The following LRP1B variants were observed in gnomAD, a reference collection of about 807,000 sequenced individuals.
The protein encoded by LRP1B is LDL receptor related protein 1B.
A neutral mutation model predicts 556.6 loss-of-function variants in LRP1B; 217 were observed. The ratio of observed to expected loss-of-function variants is 0.39; its 90% confidence interval spans 0.35 to 0.44. The LOEUF is 0.44. Ranked by LOEUF, LRP1B falls within the 20% of genes least tolerant of loss-of-function variation. The probability of loss-of-function intolerance (pLI) is 1.00; values close to 1 mark genes in which losing one functional copy is unlikely to be tolerated. For missense variants in LRP1B, 5,053 were observed against 5,620.8 expected (o/e 0.90, Z 3.23); for synonymous variants, 2,047 against 1,865.8 (o/e 1.10, Z -2.50).
At chr2:141,386,200 C>G (rs1689829188) in intron 3 of LRP1B, among the ~76,000 whole-genome samples, 1 of 152,028 alleles carries the variant, frequency 6.6e-6, no homozygotes, top group Admixed American at 6.5e-5. Context: ...GACTTGGGTC[C>G]CATCTCCAAG....
intron 66 of LRP1B, among the ~76,000 whole-genome samples, chr2:140,393,518 G>A (rs1684117092): frequency 6.6e-6 from 1 of 151,716 alleles, no homozygotes; most frequent in South Asian, 2.1e-4. Context: ...CTGTAATTTG[G>A]GGATTAAGAG....
intron 3 of LRP1B, among the ~76,000 whole-genome samples, chr2:141,297,468 T>A (rs1478676181): frequency 6.6e-6 from 1 of 152,140 alleles, no homozygotes; most frequent in Non-Finnish European, 1.5e-5. Context: ...TGGGACAATT[T>A]TTTTTAAGTA....
intron 2 of LRP1B, among the ~76,000 whole-genome samples, chr2:141,728,305 T>A (rs1222445494): frequency 6.6e-6 from 1 of 151,930 alleles, no homozygotes; most frequent in East Asian, 1.9e-4. Flanking sequence ...CCTGGCCCTC[T>A]TTCTTTGTTG....
chr2:141,489,275 A>T (rs540967957), intron 2 of LRP1B, among the ~76,000 whole-genome samples: 18 of 151,632 alleles, frequency 1.2e-4, no homozygotes, highest in Admixed American at 2.6e-4. Flanking sequence ...GGCATGAGCC[A>T]CTACACCTTG....
intron 34 of LRP1B, 75 bp from the exon 35 acceptor site, chr2:140,769,419 G>T: frequency 1.4e-6 from 2 of 1,383,192 alleles, no homozygotes; most frequent in Non-Finnish European, 1.9e-6. Flanking sequence ...AATTTCATTT[G>T]TATTATTTTT....
intron 3 of LRP1B, among the ~76,000 whole-genome samples, chr2:141,266,181 G>A (rs1263494401): frequency 3.3e-5 from 5 of 151,992 alleles, no homozygotes; most frequent in Admixed American, 3.3e-4. Flanking sequence ...ACAATTTGCC[G>A]GGGGTGATGG....
At chr2:141,625,713 C>A (rs972682816) in intron 2 of LRP1B, among the ~76,000 whole-genome samples, 3 of 152,038 alleles carry the variant, frequency 2.0e-5, no homozygotes, top group Non-Finnish European at 4.4e-5. Context: ...CTTGTAGTTA[C>A]TTTTTATAGA....
chr2:140,388,046 C>T (rs1271486080), intron 66 of LRP1B, among the ~76,000 whole-genome samples: 1 of 151,542 alleles, frequency 6.6e-6, no homozygotes, highest in Non-Finnish European at 1.5e-5. Flanking sequence ...AAGTGATTCT[C>T]CTGCCTCAGC....
At chr2:140,435,868 C>T (rs1686155209) in intron 66 of LRP1B, among the ~76,000 whole-genome samples, 1 of 152,080 alleles carries the variant, frequency 6.6e-6, no homozygotes, top group Non-Finnish European at 1.5e-5. Context: ...TGGTCCCATT[C>T]ATACAGATAG....
intron 20 of LRP1B, among the ~76,000 whole-genome samples, chr2:140,946,592 C>T (rs1695555193): frequency 6.6e-6 from 1 of 152,008 alleles, no homozygotes; most frequent in Non-Finnish European, 1.5e-5. Context: ...CAGAGTGATA[C>T]TCAGTCTCAA....
At chr2:141,577,814 C>G (rs1214864746) in intron 2 of LRP1B, among the ~76,000 whole-genome samples, 1 of 152,134 alleles carries the variant, frequency 6.6e-6, no homozygotes, top group African/African-American at 2.4e-5. Flanking sequence ...TGGCAGGACA[C>G]AAGTTGTTTC....
intron 2 of LRP1B, among the ~76,000 whole-genome samples, chr2:141,778,908 G>GTAAATTTACTTAGTAAAT (rs1695157511): frequency 6.6e-6 from 1 of 152,156 alleles, no homozygotes; most frequent in Non-Finnish European, 1.5e-5. Context: ...CTAAGCAGAA[G>GTAAATTTACTTAGTAAAT]TCCAGGATGT....
chr2:141,467,120 ATAT>A (rs1682254186), intron 3 of LRP1B, among the ~76,000 whole-genome samples: 2 of 3,812 alleles, frequency 5.2e-4, no homozygotes, highest in African/African-American at 7.3e-4. Context: ...ATATATATAT[ATAT>A]CTATATATAT....
chr2:141,643,069 T>A (rs531283569), intron 2 of LRP1B, among the ~76,000 whole-genome samples: 55 of 152,270 alleles, frequency 3.6e-4, no homozygotes, highest in African/African-American at 1.0e-3. Context: ...AATGTCGATA[T>A]GAAATGTACA....
chr2:140,875,353 T>C (rs1421467484), intron 25 of LRP1B, among the ~76,000 whole-genome samples: 1 of 152,218 alleles, frequency 6.6e-6, no homozygotes, highest in Non-Finnish European at 1.5e-5. Context: ...AGTTAACTAC[T>C]TAATAAAGGT....
chr2:141,988,221 G>A (rs1702254768), intron 1 of LRP1B, among the ~76,000 whole-genome samples: 1 of 151,712 alleles, frequency 6.6e-6, no homozygotes, highest in South Asian at 2.1e-4. Flanking sequence ...TAAAATGTAA[G>A]GTGAATTAAA....
rs1021155975 is a variant in LRP1B, at chr2:141,044,995, T to C, written c.1789+3991A>G. ...CGTATGTTTATTGCAGCATTATTCATGATAGCAAAGACTTGGAACCAACCC... is the reference window on the plus strand; with the variant it reads ...CGTATGTTTATTGCAGCATTATTCACGATAGCAAAGACTTGGAACCAACCC... On this transcript the variant is annotated intron_variant, in intron 11 of 90. Coordinates refer to ENST00000389484, the MANE Select transcript of LRP1B (RefSeq NM_018557.3). 1.3e-3 allele frequency among the ~76,000 whole-genome samples: 201 copies of C among 151,492 alleles called. 1 individual carries two copies. The highest frequency in any genetic ancestry group is 2.2e-3 in the Non-Finnish European group (152 of 67,850).
intron 20 of LRP1B, among the ~76,000 whole-genome samples, chr2:140,941,206 T>A (rs1308305490): frequency 6.6e-6 from 1 of 152,140 alleles, no homozygotes; most frequent in Non-Finnish European, 1.5e-5. Context: ...ATATTGATGA[T>A]GAAAAATGGA....
intron 3 of LRP1B, among the ~76,000 whole-genome samples, chr2:141,283,397 G>A (rs1184932433): frequency 6.6e-6 from 1 of 152,010 alleles, no homozygotes; most frequent in African/African-American, 2.4e-5. Context: ...AGTTTGGGAT[G>A]ACAAGAACAT....
Sources: gnomAD v4.1 joint callset for allele counts (sites outside exome capture counted in the v4.1 genomes callset) on GRCh38, gnomAD v4.1.1 for gene constraint, MANE v1.5 for transcripts, NCBI Gene and HGNC (gene_info 2026-07-23, HGNC 2026-07-21) for gene names.